PDE8B: variants seen among roughly 807,000 people sequenced by gnomAD.
PDE8B encodes high affinity cAMP-specific and IBMX-insensitive 3',5'-cyclic phosphodiesterase 8B.
In PDE8B, 26 loss-of-function variants were observed where a neutral mutation model predicts 101.3. That is an observed-to-expected ratio of 0.26 (90% confidence interval 0.19 to 0.36). The LOEUF (loss-of-function observed/expected upper bound fraction) is 0.36, where lower values mean the gene tolerates loss of function less well. Ranked by LOEUF, PDE8B falls within the 10% of genes least tolerant of loss-of-function variation. The pLI is 1.00. For missense variants in PDE8B, 810 were observed against 1,163.1 expected (o/e 0.70, Z 4.42); for synonymous variants, 424 against 429.3 (o/e 0.99, Z 0.15).
chr5:77,101,246 C>T, the PDE8B span, among the ~76,000 whole-genome samples: 35 of 151,838 alleles, frequency 2.3e-4, no homozygotes, highest in Non-Finnish European at 3.5e-4. Flanking sequence ...GATGGGATTA[C>T]AGGAGTGAGC....
At chr5:77,388,755 C>G (rs1789273711) in intron 10 of PDE8B, among the ~76,000 whole-genome samples, 1 of 152,050 alleles carries the variant, frequency 6.6e-6, no homozygotes, top group East Asian at 1.9e-4. Context: ...GCCTTTTTTT[C>G]AGAGATGGCC....
rs554083535 is a variant in PDE8B, at chr5:77,268,595, A to C, written c.340-43399A>C. On this transcript the variant is annotated intron_variant, in intron 1 of 21. Coordinates refer to ENST00000264917, the MANE Select transcript of PDE8B (RefSeq NM_003719.5). ...GATTTAATTTTTAGCTCCCACAAATAAGTGAGAACATGTGATGTTTGTCTT... is the reference window on the plus strand; with the variant it reads ...GATTTAATTTTTAGCTCCCACAAATCAGTGAGAACATGTGATGTTTGTCTT... Among the ~76,000 whole-genome samples the C allele has an allele frequency of 4.6e-5, 7 of 151,998 alleles. No homozygotes were observed. The South Asian group carries it at 1.5e-3, about 32-fold the overall frequency.
chr5:77,097,693 CT>C, the PDE8B span, among the ~76,000 whole-genome samples: 1 of 30,218 alleles, frequency 3.3e-5, no homozygotes, highest in East Asian at 9.1e-4. Flanking sequence ...TTTTATATAT[CT>C]ATATATATAT....
At chr5:77,369,399 A>C (rs1784701569) in intron 10 of PDE8B, among the ~76,000 whole-genome samples, 1 of 151,992 alleles carries the variant, frequency 6.6e-6, no homozygotes. Context: ...CCCTGAGCGA[A>C]GGTTTCTGCT....
At position 77,425,886 on chromosome 5, in the gene PDE8B, T is replaced by C. The variant is rs1202311729; in HGVS notation, c.2538T>C (p.Asp846=). ...ACTACTTCATAACAGACATGTTTGATGCTTGGGATGGTAAGACAGTTACTG... is the reference window on the plus strand; with the variant it reads ...ACTACTTCATAACAGACATGTTTGACGCTTGGGATGGTAAGACAGTTACTG... The part of the protein sequence containing the change: ...FIDYFITDMF[D]AWDAFAHLPA... Residue 846 remains aspartate, a synonymous_variant, in exon 21 of 22, where the codon GAT becomes GAC. Transcript: ENST00000264917. 4.3e-6 allele frequency: 7 copies of C among 1,613,662 alleles called. No individual in the cohort carries two copies. The African/African-American group carries it at 8.0e-5, about 18-fold the overall frequency.
intron 1 of PDE8B, among the ~76,000 whole-genome samples, chr5:77,264,388 A>G (rs573910436): frequency 2.0e-5 from 3 of 152,356 alleles, no homozygotes; most frequent in East Asian, 3.9e-4. Context: ...TCAACAATAT[A>G]TGAGAGTTCC....
At chr5:77,098,755 C>T in the PDE8B span, 33,732 of 151,832 alleles carry the variant, frequency 0.22, 4,447 homozygotes, top group Admixed American at 0.34. Flanking sequence ...CTGGTGAGAG[C>T]CTTTTTGCAT....
At chr5:77,201,120 TC>T in the PDE8B span, among the ~76,000 whole-genome samples, 1 of 152,110 alleles carries the variant, frequency 6.6e-6, no homozygotes, top group Non-Finnish European at 1.5e-5. Context: ...AGAAATAAGA[TC>T]CCAGGGCTCA....
chr5:77,205,080 C>T, the PDE8B span, among the ~76,000 whole-genome samples: 1 of 152,196 alleles, frequency 6.6e-6, no homozygotes, highest in Admixed American at 6.5e-5. Context: ...CAGCCCCTCC[C>T]TGTGGGGTGC....
the PDE8B span, among the ~76,000 whole-genome samples, chr5:77,155,061 C>A: frequency 1.3e-5 from 2 of 151,926 alleles, no homozygotes; most frequent in African/African-American, 4.8e-5. Context: ...CAATGTTGCC[C>A]GTGGGAATAA....
At chr5:77,185,778 G>T in the PDE8B span, among the ~76,000 whole-genome samples, 1 of 151,848 alleles carries the variant, frequency 6.6e-6, no homozygotes, top group Non-Finnish European at 1.5e-5. Context: ...GAATTCCCTG[G>T]GTAATATTTA....
At chr5:77,270,927 C>T (rs1257700424) in intron 1 of PDE8B, among the ~76,000 whole-genome samples, 1 of 152,156 alleles carries the variant, frequency 6.6e-6, no homozygotes, top group Non-Finnish European at 1.5e-5. Flanking sequence ...AATACCCTTT[C>T]CAGTGTAGAT....
the PDE8B span, among the ~76,000 whole-genome samples, chr5:77,201,909 G>A: frequency 6.6e-6 from 1 of 152,214 alleles, no homozygotes; most frequent in African/African-American, 2.4e-5. Context: ...TGCCAGCAGG[G>A]TAGGTGTCTG....
chr5:77,375,851 G>A (rs1185015376), intron 10 of PDE8B, among the ~76,000 whole-genome samples: 2 of 151,114 alleles, frequency 1.3e-5, no homozygotes, highest in South Asian at 2.1e-4. Flanking sequence ...CCCTTTTTAG[G>A]GTACAGGAGT....
At chr5:77,423,019 C>A (rs574640648) in intron 20 of PDE8B, among the ~76,000 whole-genome samples, 2 of 152,182 alleles carry the variant, frequency 1.3e-5, no homozygotes, top group Admixed American at 6.5e-5. Context: ...GCCCCCTTCC[C>A]TCCTTTTGAA....
chr5:77,151,426 C>G, the PDE8B span: 1 of 152,198 alleles, frequency 6.6e-6, no homozygotes, highest in South Asian at 2.1e-4. Context: ...CTGACATTCC[C>G]TAAGAAGCCA....
Position 77,211,573 on chromosome 5 carries a change from G to T in PDE8B, c.339+309G>T, listed in dbSNP as rs993752662. On this transcript the variant is annotated intron_variant, in intron 1 of 21. Transcript: ENST00000264917. This position sits in a 1 kb window ranked among gnomAD's most constrained non-coding sequence, Gnocchi z 4.1. ...TTGAGGGCAGGAAGGCTGTGGCTTG[G>T]TTTATGCAGGAAGAGGGGTGGGGAC... Among the ~76,000 whole-genome samples, 4 of 152,212 alleles carry T rather than the reference G, an allele frequency of 2.6e-5. No individual in the cohort carries two copies. The highest frequency in any genetic ancestry group is 6.5e-5 in the Admixed American group (1 of 15,288).
intron 1 of PDE8B, among the ~76,000 whole-genome samples, chr5:77,215,610 G>T (rs1334305001): frequency 1.3e-5 from 2 of 152,238 alleles, no homozygotes; most frequent in East Asian, 3.8e-4. Context: ...GTTCAGAGAT[G>T]ATATAGTTTC....
At chr5:77,291,090 A>T in intron 1 of PDE8B, 1 of 1,610,944 alleles carries the variant, frequency 6.2e-7, no homozygotes, top group Non-Finnish European at 8.5e-7. Context: ...AAACAGTACC[A>T]TTATTGCCTT....
Sources: allele counts gnomAD v4.1 joint callset (sites outside exome capture counted in the v4.1 genomes callset), GRCh38; gene constraint gnomAD v4.1.1; non-coding constraint Gnocchi (gnomAD v3.1); transcripts MANE v1.5; gene names NCBI Gene and HGNC (gene_info 2026-07-23, HGNC 2026-07-21).